Variants in TYW1 observed in about 807,000 individuals in gnomAD.
TYW1 encodes S-adenosyl-L-methionine-dependent tRNA 4-demethylwyosine synthase TYW1.
Under a neutral mutation model 96.2 loss-of-function variants are expected in TYW1, and 46 were observed. The observed-to-expected ratio is 0.48, with a 90% CI of 0.38 to 0.61. TYW1 has a LOEUF of 0.61. Ranked by LOEUF, TYW1 falls within the 20% of genes least tolerant of loss-of-function variation. The pLI, the probability that TYW1 is intolerant of heterozygous loss-of-function variation, is 0.00. For missense variants in TYW1, 684 were observed against 909.6 expected (o/e 0.75, Z 3.19); for synonymous variants, 274 against 323.0 (o/e 0.85, Z 1.63).
chr7:67,028,493 T>A (rs1334735057), intron 7 of TYW1, among the ~76,000 whole-genome samples: 3 of 152,350 alleles, frequency 2.0e-5, no homozygotes, highest in Non-Finnish European at 1.5e-5. Context: ...TTCTCAGAAA[T>A]GGCTCTACAA....
chr7:67,150,514 ATTTAGATCAAAG>A (rs1798761581), intron 13 of TYW1, among the ~76,000 whole-genome samples: 2 of 152,234 alleles, frequency 1.3e-5, no homozygotes, highest in Non-Finnish European at 2.9e-5. Flanking sequence ...TTAAAGCAAA[ATTTAGATCAAAG>A]TTGGGAATTG....
intron 15 of TYW1, among the ~76,000 whole-genome samples, chr7:67,236,739 AAGCTCTT>A (rs936722743): frequency 8.5e-5 from 13 of 152,190 alleles, no homozygotes; most frequent in Non-Finnish European, 1.2e-4. Context: ...TCCCCCTAGA[AAGCTCTT>A]AGCTAGTGGG....
At chr7:67,209,522 A>G (rs6460334) in intron 15 of TYW1, among the ~76,000 whole-genome samples, 40,797 of 152,064 alleles carry the variant, frequency 0.27, 5,844 homozygotes, top group African/African-American at 0.36. Context: ...TATGGCTTGC[A>G]GAATCCACAT....
chr7:67,056,719 A>G (rs1795529740), intron 9 of TYW1, among the ~76,000 whole-genome samples: 1 of 152,176 alleles, frequency 6.6e-6, no homozygotes, highest in Admixed American at 6.5e-5. Flanking sequence ...ATTTTTGGCT[A>G]TTATGAAAAA....
intron 9 of TYW1, among the ~76,000 whole-genome samples, chr7:67,062,218 G>A (rs556439154): frequency 9.7e-4 from 148 of 152,146 alleles, no homozygotes; most frequent in Middle Eastern, 3.4e-3. Context: ...AGACCAGCCT[G>A]GCCAATATGG....
At chr7:67,170,512 A>G (rs1799484056) in intron 13 of TYW1, among the ~76,000 whole-genome samples, 2 of 152,248 alleles carry the variant, frequency 1.3e-5, no homozygotes, top group Non-Finnish European at 2.9e-5. Flanking sequence ...TTGAGGTAGC[A>G]TTCACGTAAC....
intron 15 of TYW1, among the ~76,000 whole-genome samples, chr7:67,225,886 T>C (rs1448170257): frequency 2.0e-5 from 3 of 151,046 alleles, no homozygotes; most frequent in African/African-American, 4.9e-5. Flanking sequence ...ATCCTACTTA[T>C]TACCAGTAAA....
At chr7:67,192,068 GTATTTT>G (rs1311457522) in intron 14 of TYW1, among the ~76,000 whole-genome samples, 1 of 151,664 alleles carries the variant, frequency 6.6e-6, no homozygotes, top group Non-Finnish European at 1.5e-5. Flanking sequence ...GCCAATTTTT[GTATTTT>G]TAATAGAGAC....
intron 5 of TYW1, among the ~76,000 whole-genome samples, chr7:67,016,863 A>G (rs1794041672): frequency 6.6e-6 from 1 of 151,430 alleles, no homozygotes; most frequent in Non-Finnish European, 1.5e-5. Context: ...GGGCTTGAGC[A>G]TTCTTCTCAC....
intron 15 of TYW1, among the ~76,000 whole-genome samples, chr7:67,201,137 A>T (rs1179216518): frequency 2.6e-5 from 4 of 151,656 alleles, no homozygotes; most frequent in Non-Finnish European, 4.4e-5. Context: ...CAGGGGATGG[A>T]TTGAAAAGCT....
intron 12 of TYW1, among the ~76,000 whole-genome samples, chr7:67,105,506 T>C (rs1439041616): frequency 3.3e-5 from 5 of 152,176 alleles, no homozygotes; most frequent in Non-Finnish European, 5.9e-5. Flanking sequence ...CCAAGAGGTT[T>C]TACATAAAAT....
chr7:67,208,995 T>C (rs547603706), intron 15 of TYW1, among the ~76,000 whole-genome samples: 4 of 152,282 alleles, frequency 2.6e-5, no homozygotes, highest in South Asian at 2.1e-4. Flanking sequence ...AGTTTTGTCA[T>C]GTAGATATTA....
chr7:67,158,692 A>G (rs4436004), intron 13 of TYW1, among the ~76,000 whole-genome samples: 3 of 151,592 alleles, frequency 2.0e-5, no homozygotes, highest in Non-Finnish European at 4.4e-5. Context: ...GCCTCAGCCT[A>G]CCGTGTAGCT....
Position 67,010,806 on chromosome 7 carries a change from A to G in TYW1, c.375+1122A>G, listed in dbSNP as rs546864202. 4.6e-5 allele frequency among the ~76,000 whole-genome samples: 7 copies of G among 151,956 alleles called. No individual in the cohort carries two copies. The South Asian group carries it at 6.2e-4, about 14-fold the overall frequency. On this transcript the variant is annotated intron_variant, in intron 4 of 15. Transcript: ENST00000359626. ...TTTTTTATAGAGATACGGTCTCACT[A>G]TATTGCCCAGGTGGGTCTCGAACTC... is the stretch of plus-strand genomic sequence containing the variant.
intron 14 of TYW1, among the ~76,000 whole-genome samples, chr7:67,188,489 C>T (rs566230447): frequency 6.6e-6 from 1 of 152,060 alleles, no homozygotes; most frequent in Non-Finnish European, 1.5e-5. Context: ...GCATATCTGT[C>T]AGGGCTGTAA....
chr7:67,041,675 A>G (rs563417315), intron 7 of TYW1, among the ~76,000 whole-genome samples: 1 of 152,198 alleles, frequency 6.6e-6, no homozygotes, highest in Non-Finnish European at 1.5e-5. Context: ...GACACACCAC[A>G]TGAAATTGCC....
chr7:67,110,883 T>C (rs1369019042), intron 12 of TYW1, among the ~76,000 whole-genome samples: 5 of 152,098 alleles, frequency 3.3e-5, no homozygotes, highest in Non-Finnish European at 5.9e-5. Context: ...TGCATGCCTG[T>C]AGTCCCAGCT....
At chr7:67,108,203 C>T (rs1472613616) in intron 12 of TYW1, among the ~76,000 whole-genome samples, 2 of 152,050 alleles carry the variant, frequency 1.3e-5, no homozygotes, top group Admixed American at 1.3e-4. Flanking sequence ...AATAATAAAA[C>T]GTTAAGCCCA....
chr7:67,233,869 A>G (rs1801809305), intron 15 of TYW1, among the ~76,000 whole-genome samples: 1 of 135,908 alleles, frequency 7.4e-6, no homozygotes, highest in Admixed American at 7.4e-5. Context: ...GGTTCTGTTC[A>G]TTTCAGAATA....
Sources: gnomAD v4.1 joint callset for allele counts (sites outside exome capture counted in the v4.1 genomes callset) on GRCh38, gnomAD v4.1.1 for gene constraint, MANE v1.5 for transcripts, NCBI Gene and HGNC (gene_info 2026-07-23, HGNC 2026-07-21) for gene names.